The following CSMD3 variants were observed in gnomAD, a reference collection of about 807,000 sequenced individuals.
CSMD3 encodes CUB and sushi domain-containing protein 3.
CSMD3 carries 177 observed loss-of-function variants against 435.2 expected under a neutral mutation model. That is an observed-to-expected ratio of 0.41 (90% CI 0.36 to 0.46). The LOEUF (loss-of-function observed/expected upper bound fraction) is 0.46, where lower values mean the gene tolerates loss of function less well. CSMD3 is among the 20% of genes least tolerant of loss of function. The probability of loss-of-function intolerance (pLI) is 0.34; values close to 1 mark genes in which losing one functional copy is unlikely to be tolerated. For missense variants in CSMD3, 4,265 were observed against 4,504.6 expected (o/e 0.95, Z 1.52); for synonymous variants, 1,656 against 1,520.5 (o/e 1.09, Z -2.07).
At chr8:112,596,587 C>A (rs1831745433) in intron 22 of CSMD3, among the ~76,000 whole-genome samples, 1 of 152,036 alleles carries the variant, frequency 6.6e-6, no homozygotes, top group Non-Finnish European at 1.5e-5. Context: ...CACACCACAC[C>A]TATTCCAAAA....
At chr8:112,670,397 T>C (rs1283894020) in intron 16 of CSMD3, among the ~76,000 whole-genome samples, 1 of 152,164 alleles carries the variant, frequency 6.6e-6, no homozygotes, top group African/African-American at 2.4e-5. Context: ...GATATGTATA[T>C]ATACACACAC....
At chr8:112,659,298 A>G (rs1472763747) in intron 17 of CSMD3, among the ~76,000 whole-genome samples, 1 of 152,176 alleles carries the variant, frequency 6.6e-6, no homozygotes, top group African/African-American at 2.4e-5. Context: ...TTCATTTTCT[A>G]TTTTAAAATA....
chr8:112,601,125 C>A (rs944211040), intron 22 of CSMD3, among the ~76,000 whole-genome samples: 2 of 151,662 alleles, frequency 1.3e-5, no homozygotes, highest in East Asian at 1.9e-4. Flanking sequence ...AAATATACTT[C>A]TTTTATCTAA....
chr8:113,388,175 A>C (rs771960526), intron 1 of CSMD3, among the ~76,000 whole-genome samples: 9 of 151,724 alleles, frequency 5.9e-5, no homozygotes, highest in Non-Finnish European at 1.3e-4. Flanking sequence ...GATTTTTCAT[A>C]GCGGACATCC....
chr8:112,626,056 T>A, intron 22 of CSMD3, among the ~76,000 whole-genome samples: 1 of 151,978 alleles, frequency 6.6e-6, no homozygotes, highest in East Asian at 1.9e-4. Context: ...AGCTACTTTA[T>A]CCCGCAGTGA....
In CSMD3 at chr8:113,371,175, G is replaced by C. The variant is rs2094344170; in HGVS notation, c.179-56382C>G. Among the ~76,000 whole-genome samples the C allele has an allele frequency of 4.6e-5, 7 of 151,886 alleles. No homozygotes were observed. The South Asian group carries it at 1.5e-3, about 32-fold the overall frequency. On this transcript the variant is annotated intron_variant, in intron 1 of 70. Transcript: ENST00000297405. The stretch of plus-strand genomic sequence containing the variant: ...ATATGCCATTTTTCTATTATAATGA[G>C]TTGCTTACATATTTGTCTTCTCAGT...
intron 3 of CSMD3, among the ~76,000 whole-genome samples, chr8:113,205,078 G>T (rs2092756358): frequency 6.6e-6 from 1 of 151,896 alleles, no homozygotes; most frequent in African/African-American, 2.4e-5. Flanking sequence ...CCACCTCTCG[G>T]GTTCAAGAGA....
Position 112,291,661 on chromosome 8 carries a change from A to C in CSMD3, c.8823T>G (p.Asn2941Lys). The change falls in exon 56 of 71, where the codon AAT becomes AAG. Residue 2941 changes from asparagine (N) to lysine (K), a missense_variant. Transcript: ENST00000297405. ...GTTCTATTTTACTTTCTCTTTTAGA[A>C]TTGGCTGGAATTCCAGGATCAGAAC... is the stretch of plus-strand genomic sequence containing the variant. ...VNCSDPGIPA[N>K]SKRESKIEHG... 1 of 1,612,624 alleles carries C rather than the reference A, an allele frequency of 6.2e-7. No individual in the cohort carries two copies.
chr8:113,270,842 G>A (rs986746399), intron 3 of CSMD3, among the ~76,000 whole-genome samples: 2 of 151,916 alleles, frequency 1.3e-5, no homozygotes, highest in Non-Finnish European at 2.9e-5. Flanking sequence ...GGAGGAGGGG[G>A]GAGGGATAGC....
At position 112,336,643 on chromosome 8, in the gene CSMD3, C is replaced by T. The variant is rs1642271313; in HGVS notation, c.7019+9G>A. On this transcript the variant is annotated intron_variant, in intron 44 of 70. Transcript: ENST00000297405. ...ATTGAATAAATCAATAACAATAGTC[C>T]TGACTTACCATACAGTAATGAAATC... The T allele has an allele frequency of 6.3e-7, 1 of 1,586,956 alleles. No individual in the cohort carries two copies. Among genetic ancestry groups the T allele is most frequent in the Non-Finnish European group, 8.7e-7 (1 of 1,155,668 alleles).
intron 31 of CSMD3, among the ~76,000 whole-genome samples, chr8:112,485,195 C>T (rs1820005458): frequency 6.6e-6 from 1 of 152,058 alleles, no homozygotes. Context: ...CGTATGAAAA[C>T]AAAATATGCT....
intron 49 of CSMD3, among the ~76,000 whole-genome samples, chr8:112,313,670 T>C (rs1466498681): frequency 6.6e-6 from 1 of 152,100 alleles, no homozygotes; most frequent in East Asian, 1.9e-4. Flanking sequence ...ATAACTGACA[T>C]ATAAGTCATA....
At chr8:113,089,842 T>TA (rs1425958399) in intron 5 of CSMD3, among the ~76,000 whole-genome samples, 3 of 152,102 alleles carry the variant, frequency 2.0e-5, no homozygotes, top group Non-Finnish European at 4.4e-5. Flanking sequence ...CCTACTGTTC[T>TA]ATGCTTAATC....
intron 1 of CSMD3, among the ~76,000 whole-genome samples, chr8:113,351,367 T>C (rs775764893): frequency 4.6e-4 from 70 of 152,120 alleles, no homozygotes; most frequent in Non-Finnish European, 9.0e-4. Context: ...GCAAAGCGAT[T>C]ACAAATATGT....
intron 54 of CSMD3, among the ~76,000 whole-genome samples, chr8:112,293,468 A>C (rs998570019): frequency 9.2e-5 from 14 of 152,108 alleles, no homozygotes; most frequent in African/African-American, 3.4e-4. Flanking sequence ...TGTGCTTGTG[A>C]AGTAAATTAA....
At chr8:113,421,434 A>G (rs2094608164) in intron 1 of CSMD3, among the ~76,000 whole-genome samples, 1 of 152,210 alleles carries the variant, frequency 6.6e-6, no homozygotes, top group Admixed American at 6.5e-5. Flanking sequence ...TTGAAACAAT[A>G]GATAGGGCAC....
At chr8:113,224,471 C>T (rs1280688815) in intron 3 of CSMD3, among the ~76,000 whole-genome samples, 1 of 151,228 alleles carries the variant, frequency 6.6e-6, no homozygotes, top group Non-Finnish European at 1.5e-5. Context: ...CAAACTGTGT[C>T]ACCTATATAA....
rs548980699 is a variant in CSMD3 at position 112,913,282 on chromosome 8, A to G, written c.1633+8345T>C. Among the ~76,000 whole-genome samples, 16 of 151,946 alleles carry G rather than the reference A, an allele frequency of 1.1e-4. No homozygotes were observed. The South Asian group carries it at 1.9e-3, about 18-fold the overall frequency. On this transcript the variant is annotated intron_variant, in intron 10 of 70. Coordinates refer to ENST00000297405, the MANE Select transcript of CSMD3 (RefSeq NM_198123.2). ...ACATTATATTTATCATTAGATTCTCATAAGGAGCATGCAAACTAGATCCCT... is the reference window on the plus strand; with the variant it reads ...ACATTATATTTATCATTAGATTCTCGTAAGGAGCATGCAAACTAGATCCCT...
intron 5 of CSMD3, among the ~76,000 whole-genome samples, chr8:113,025,945 C>T (rs1288552242): frequency 6.6e-6 from 1 of 152,122 alleles, no homozygotes; most frequent in Non-Finnish European, 1.5e-5. Context: ...TAGCACATCA[C>T]GATGGATAAA....
Sources: allele counts gnomAD v4.1 joint callset (sites outside exome capture counted in the v4.1 genomes callset), GRCh38; gene constraint gnomAD v4.1.1; transcripts MANE v1.5; gene names NCBI Gene and HGNC (gene_info 2026-07-23, HGNC 2026-07-21).